The following GRK5 variants were observed in gnomAD, a reference collection of about 807,000 sequenced individuals.
The protein encoded by GRK5 is g protein-coupled receptor kinase GRK5.
A neutral mutation model predicts 78.4 loss-of-function variants in GRK5; 40 were observed. That is an observed-to-expected ratio of 0.51 (90% confidence interval 0.40 to 0.66). The LOEUF (loss-of-function observed/expected upper bound fraction) is 0.66, where lower values mean the gene tolerates loss of function less well. Among genes scored for constraint, GRK5 ranks in the 30% least tolerant of loss-of-function variants. The probability of loss-of-function intolerance (pLI) is 0.00; values close to 1 mark genes in which losing one functional copy is unlikely to be tolerated. For synonymous variants in GRK5, 289 were observed against 296.8 expected, an observed-to-expected ratio of 0.97 and a Z score of 0.27; for missense variants, 598 against 759.9, an observed-to-expected ratio of 0.79 and a Z score of 2.50.
intron 8 of GRK5, among the ~76,000 whole-genome samples, chr10:119,435,914 G>A (rs1197866566): frequency 1.3e-5 from 2 of 152,208 alleles, no homozygotes; most frequent in African/African-American, 4.8e-5. Flanking sequence ...CACAATCATG[G>A]CAGAAGGTGA....
rs995958942 is a variant in GRK5 at position 119,264,802 on chromosome 10, C to T, written c.52+56833C>T. On this transcript the variant is annotated intron_variant, in intron 1 of 15. Coordinates refer to ENST00000392870, the MANE Select transcript of GRK5 (RefSeq NM_005308.3). The surrounding 1 kb of genome is among the most constrained non-coding windows in gnomAD (Gnocchi z 4.1). ...CCACACTTACCCACTACATGCCCTG[C>T]CCACTCCCTTTTCCTCCTGGCCAGG... Among the ~76,000 whole-genome samples, 5 of 152,238 alleles carry T rather than the reference C, an allele frequency of 3.3e-5. No individual in the cohort carries two copies. The highest frequency in any genetic ancestry group is 3.3e-4 in the Admixed American group (5 of 15,284).
rs1268758739 is a variant in GRK5 at position 119,284,624 on chromosome 10, G to A, written c.53-41892G>A. 2.4e-4 allele frequency among the ~76,000 whole-genome samples: 36 copies of A among 152,346 alleles called. No individual in the cohort carries two copies. The East Asian group carries it at 6.9e-3, about 29-fold the overall frequency. ...TCAGCTTCTGTGTCCAGGGGCTTTGGCGCAGAACAGGCTGCTGTGGCCTCT... is the reference window on the plus strand; with the variant it reads ...TCAGCTTCTGTGTCCAGGGGCTTTGACGCAGAACAGGCTGCTGTGGCCTCT... On this transcript the variant is annotated intron_variant, in intron 1 of 15. Transcript: ENST00000392870.
At chr10:119,315,886 C>G (rs1850478401) in intron 1 of GRK5, among the ~76,000 whole-genome samples, 1 of 152,154 alleles carries the variant, frequency 6.6e-6, no homozygotes. Flanking sequence ...CCTCCCCCTC[C>G]AAATTCATAG....
chr10:119,449,523 G>A (rs991467044), intron 13 of GRK5, among the ~76,000 whole-genome samples: 2 of 152,146 alleles, frequency 1.3e-5, no homozygotes, highest in African/African-American at 4.8e-5. Context: ...AGAGTAGGCC[G>A]GGCACGGTGG....
chr10:119,449,910 T>C (rs1264560183), intron 13 of GRK5, among the ~76,000 whole-genome samples: 1 of 152,146 alleles, frequency 6.6e-6, no homozygotes, highest in Non-Finnish European at 1.5e-5. Context: ...GCGAACCGCC[T>C]GGGGAGCATG....
rs1472855081 is a variant in GRK5 at position 119,445,292 on chromosome 10, G to T, written c.1266+1540G>T. On this transcript the variant is annotated intron_variant, in intron 12 of 15. Coordinates refer to ENST00000392870, the MANE Select transcript of GRK5 (RefSeq NM_005308.3). This position sits in a 1 kb window ranked among gnomAD's most constrained non-coding sequence, Gnocchi z 4.1. Reference sequence around the variant, plus strand: ...AACGAGACAAGGGAAAGAAGAAGGGGTCAGACAGCCGTGGGCAGAGCATCA... The same window carrying T: ...AACGAGACAAGGGAAAGAAGAAGGGTTCAGACAGCCGTGGGCAGAGCATCA... Among the ~76,000 whole-genome samples, 1 of 152,176 alleles carries T rather than the reference G, an allele frequency of 6.6e-6. No homozygotes were observed. Among genetic ancestry groups the T allele is most frequent in the African/African-American group, 2.4e-5 (1 of 41,432 alleles).
At chr10:119,420,676 T>C (rs1852554212) in intron 4 of GRK5, among the ~76,000 whole-genome samples, 2 of 152,078 alleles carry the variant, frequency 1.3e-5, no homozygotes, top group African/African-American at 4.8e-5. Context: ...CCTCTTGGGT[T>C]CAAGGAATCC....
At chr10:119,307,782 C>T (rs1368603943) in intron 1 of GRK5, among the ~76,000 whole-genome samples, 1 of 152,150 alleles carries the variant, frequency 6.6e-6, no homozygotes, top group Admixed American at 6.5e-5. Context: ...GCGAGCCCTC[C>T]TTTCTGCATA....
chr10:119,325,020 A>G (rs1850649995), intron 1 of GRK5, among the ~76,000 whole-genome samples: 1 of 152,152 alleles, frequency 6.6e-6, no homozygotes, highest in African/African-American at 2.4e-5. Flanking sequence ...TGAAGATGCA[A>G]TGAGAGGAGA....
At chr10:119,351,649 C>T (rs1298978897) in intron 2 of GRK5, among the ~76,000 whole-genome samples, 1 of 152,072 alleles carries the variant, frequency 6.6e-6, no homozygotes, top group Non-Finnish European at 1.5e-5. Flanking sequence ...GACTAAGACA[C>T]TATTATAGGT....
In GRK5 at chr10:119,264,253, C is replaced by T. The variant is rs543659324; in HGVS notation, c.52+56284C>T. ...GACTGTCATTAGGCAGATCTCTTTC[C>T]ATTACAGGTGACAGAAGCTCAACTC... On this transcript the variant is annotated intron_variant, in intron 1 of 15. Coordinates refer to ENST00000392870, the MANE Select transcript of GRK5 (RefSeq NM_005308.3). This position sits in a 1 kb window ranked among gnomAD's most constrained non-coding sequence, Gnocchi z 4.1. 1.3e-5 allele frequency among the ~76,000 whole-genome samples: 2 copies of T among 152,346 alleles called. No individual in the cohort carries two copies. The highest frequency in any genetic ancestry group is 2.1e-4 in the South Asian group (1 of 4,832).
At chr10:119,328,802 C>A (rs1196675262) in intron 2 of GRK5, among the ~76,000 whole-genome samples, 1 of 152,236 alleles carries the variant, frequency 6.6e-6, no homozygotes, top group Non-Finnish European at 1.5e-5. Flanking sequence ...TGCTTCCCGG[C>A]CCTGGCTAAA....
At position 119,445,615 on chromosome 10, in the gene GRK5, G is replaced by A. The variant is rs920852093; in HGVS notation, c.1266+1863G>A. ...TCCTCTGGAAGCCTCTGGCCTTGCT[G>A]CGGCTTCCCTTACAAATGATCTTTG... On this transcript the variant is annotated intron_variant, in intron 12 of 15. Transcript: ENST00000392870. This position sits in a 1 kb window ranked among gnomAD's most constrained non-coding sequence, Gnocchi z 4.1. Among the ~76,000 whole-genome samples, 14 of 152,186 alleles carry A rather than the reference G, an allele frequency of 9.2e-5. No homozygotes were observed. The highest frequency in any genetic ancestry group is 2.9e-5 in the Non-Finnish European group (2 of 68,034).
At chr10:119,320,151 A>C (rs184846982) in intron 1 of GRK5, among the ~76,000 whole-genome samples, 91 of 152,336 alleles carry the variant, frequency 6.0e-4, no homozygotes, top group African/African-American at 2.1e-3. Context: ...ACAATGATGT[A>C]TACAGGGATT....
intron 2 of GRK5, among the ~76,000 whole-genome samples, chr10:119,360,594 GAGGAGCCTGTGTGAGAGGC>G: frequency 6.6e-6 from 1 of 152,024 alleles, no homozygotes. Context: ...GTATGAGTGG[GAGGAGCCTGTGTGAGAGGC>G]AGGAGCCTGT....
At chr10:119,438,978 G>A (rs1159489514) in intron 9 of GRK5, among the ~76,000 whole-genome samples, 1 of 152,244 alleles carries the variant, frequency 6.6e-6, no homozygotes, top group East Asian at 1.9e-4. Context: ...GTTGAGAACT[G>A]GAGCCTCCAT....
At chr10:119,257,928 T>C (rs1474561966) in intron 1 of GRK5, among the ~76,000 whole-genome samples, 1 of 152,218 alleles carries the variant, frequency 6.6e-6, no homozygotes, top group Non-Finnish European at 1.5e-5. Context: ...CTTCATTCTC[T>C]TTTATTTTTT....
At chr10:119,343,595 A>G (rs1473927659) in intron 2 of GRK5, among the ~76,000 whole-genome samples, 1 of 152,224 alleles carries the variant, frequency 6.6e-6, no homozygotes, top group African/African-American at 2.4e-5. Context: ...TTCCCCGTGG[A>G]CGTGGAACAA....
chr10:119,297,411 C>T (rs887074897), intron 1 of GRK5, among the ~76,000 whole-genome samples: 1 of 152,132 alleles, frequency 6.6e-6, no homozygotes, highest in Non-Finnish European at 1.5e-5. Context: ...GTCTGGCCTC[C>T]CCACTGTACA....
Sources: allele counts gnomAD v4.1 joint callset (sites outside exome capture counted in the v4.1 genomes callset), GRCh38; gene constraint gnomAD v4.1.1; non-coding constraint Gnocchi (gnomAD v3.1); transcripts MANE v1.5; gene names NCBI Gene and HGNC (gene_info 2026-07-23, HGNC 2026-07-21).